APOL5: variants seen among roughly 807,000 people sequenced by gnomAD.
The protein encoded by APOL5 is apolipoprotein L5.
APOL5 carries 29 observed loss-of-function variants against 35.5 expected under a neutral mutation model. The ratio of observed to expected loss-of-function variants is 0.82; its 90% CI spans 0.61 to 1.11. The LOEUF is 1.11. Among genes scored for constraint, APOL5 ranks in the 50% most tolerant of loss-of-function variants. APOL5 has a pLI of 0.00. For synonymous variants in APOL5, 188 were observed against 200.2 expected (o/e 0.94, Z 0.51); for missense variants, 514 against 530.4 (o/e 0.97, Z 0.30).
chr22:35,713,663 T>C (rs1433374431), upstream of APOL5, among the ~76,000 whole-genome samples: 1 of 152,196 alleles, frequency 6.6e-6, no homozygotes, highest in Non-Finnish European at 1.5e-5. Flanking sequence ...TAGGATCCAT[T>C]GTCATCTGCA....
intron 2 of APOL5, among the ~76,000 whole-genome samples, chr22:35,725,945 G>A (rs1927137646): frequency 6.6e-6 from 1 of 152,142 alleles, no homozygotes; most frequent in Admixed American, 6.5e-5. Context: ...GTTTGTTTCT[G>A]GGAAAGGGCT....
upstream of APOL5, chr22:35,717,754 G>GAAAAAAA (rs1435096149): frequency 8.7e-6 from 3 of 346,382 alleles, 1 homozygote; most frequent in African/African-American, 5.4e-5. Context: ...AAAAAAAAAA[G>GAAAAAAA]AAAGAAAAGA....
intron 1 of APOL5, among the ~76,000 whole-genome samples, chr22:35,719,519 C>A (rs1222265519): frequency 6.6e-6 from 1 of 152,214 alleles, no homozygotes; most frequent in Non-Finnish European, 1.5e-5. Flanking sequence ...AACATGGCCC[C>A]GATTGTCTTG....
chr22:35,727,073 G>A lies in APOL5; in HGVS notation c.1005G>A (p.Lys335=). 1 of 1,613,388 alleles carries A rather than the reference G, an allele frequency of 6.2e-7. No individual in the cohort carries two copies. The highest frequency in any genetic ancestry group is 8.5e-7 in the Non-Finnish European group (1 of 1,180,008). The change falls in exon 3 of 5, where the codon AAG becomes AAA. Residue 335 remains lysine (K), a synonymous_variant. Transcript: ENST00000249044. ...TAEELRALAK[K]LEQELDRLTQ... is the part of the protein sequence containing the mutation. Reference sequence around the variant, plus strand: ...AGGAACTGAGAGCACTTGCTAAGAAGCTGGAGCAGGAGCTGGACCGGCTCA... The same window carrying A: ...AGGAACTGAGAGCACTTGCTAAGAAACTGGAGCAGGAGCTGGACCGGCTCA...
chr22:35,722,564 G>T (rs1200319570), intron 2 of APOL5, among the ~76,000 whole-genome samples: 1 of 152,212 alleles, frequency 6.6e-6, no homozygotes, highest in Non-Finnish European at 1.5e-5. Flanking sequence ...GCCTCCCAAA[G>T]TGCTGGGATT....
At chr22:35,717,770 A>AAAGG, upstream of APOL5, 4 of 694,342 alleles carry the variant, frequency 5.8e-6, no homozygotes, top group South Asian at 4.9e-5. Context: ...AAAGAAAAGA[A>AAAGG]AAAAAAATAG....
upstream of APOL5, among the ~76,000 whole-genome samples, chr22:35,717,390 G>A (rs546304051): frequency 1.6e-5 from 2 of 123,182 alleles, no homozygotes; most frequent in Non-Finnish European, 3.3e-5. Flanking sequence ...GCCAAAATGA[G>A]ACCATCTCCA....
chr22:35,728,959 C>A, intron 4 of APOL5, 55 bp downstream of exon 4: 11 of 1,505,234 alleles, frequency 7.3e-6, no homozygotes, highest in Non-Finnish European at 8.9e-6. Flanking sequence ...AGTGAAGTAA[C>A]CCCTCCTTGG....
chr22:35,726,206 T>G lies in APOL5; in HGVS notation c.143-5T>G, dbSNP rs766462935. 4 of 1,606,076 alleles carry G rather than the reference T, an allele frequency of 2.5e-6. No homozygotes were observed. The highest frequency in any genetic ancestry group is 3.4e-6 in the Non-Finnish European group (4 of 1,173,426). ...TTAGTGCTCAGATTGCCTAGATGTC[T>G]TTAGCCTCACTCGTGAACCTGTGCC... On this transcript the variant is annotated splice_polypyrimidine_tract_variant and splice_region_variant and intron_variant, in intron 2 of 4. Coordinates refer to ENST00000249044, the MANE Select transcript of APOL5 (RefSeq NM_030642.1).
intron 3 of APOL5, among the ~76,000 whole-genome samples, chr22:35,728,381 G>A (rs1418165924): frequency 6.6e-6 from 1 of 152,136 alleles, no homozygotes; most frequent in Non-Finnish European, 1.5e-5. Context: ...CCGCCACGAC[G>A]CCTGGCTAAT....
chr22:35,727,961 C>A lies in APOL5; in HGVS notation c.1127-762C>A, dbSNP rs543871373. Among the ~76,000 whole-genome samples the A allele has an allele frequency of 3.9e-5, 6 of 152,370 alleles. No homozygotes were observed. The South Asian group carries it at 1.2e-3, about 32-fold the overall frequency. ...GAATGACGCGGTAGCAAGGTCACAA[C>A]CTGAAACCCGGGAAAAGGACACATA... On this transcript the variant is annotated intron_variant, in intron 3 of 4. Coordinates refer to ENST00000249044, the MANE Select transcript of APOL5 (RefSeq NM_030642.1).
upstream of APOL5, among the ~76,000 whole-genome samples, chr22:35,714,081 G>A (rs1926668973): frequency 6.6e-6 from 1 of 152,134 alleles, no homozygotes; most frequent in Non-Finnish European, 1.5e-5. Context: ...GGAGGTCAAG[G>A]CAGGTGGATC....
chr22:35,709,842 AC>A, the APOL5 span, among the ~76,000 whole-genome samples: 89 of 151,064 alleles, frequency 5.9e-4, no homozygotes, highest in African/African-American at 2.1e-3. Context: ...TTTTGTAATG[AC>A]TTTATTTTTC....
the APOL5 span, among the ~76,000 whole-genome samples, chr22:35,711,368 G>A: frequency 5.9e-5 from 9 of 152,124 alleles, no homozygotes; most frequent in African/African-American, 2.2e-4. Context: ...ATCTCTTTGA[G>A]ACCCTGCTTT....
chr22:35,712,685 C>A, the APOL5 span, among the ~76,000 whole-genome samples: 43 of 152,046 alleles, frequency 2.8e-4, 1 homozygote, highest in African/African-American at 9.9e-4. Flanking sequence ...GTGTTGATGG[C>A]TTTTCTTCTT....
intron 1 of APOL5, among the ~76,000 whole-genome samples, chr22:35,718,954 G>A (rs1193703957): frequency 6.6e-6 from 1 of 152,012 alleles, no homozygotes; most frequent in African/African-American, 2.4e-5. Flanking sequence ...AACAACTCGG[G>A]AGGCTGAGAC....
intron 2 of APOL5, among the ~76,000 whole-genome samples, chr22:35,721,807 G>A (rs2009168): frequency 0.67 from 102,485 of 152,106 alleles, 35,062 homozygotes; most frequent in African/African-American, 0.76. Flanking sequence ...CTCAGCTGCA[G>A]CAATAGACTC....
the APOL5 span, among the ~76,000 whole-genome samples, chr22:35,710,253 T>C: frequency 1.3e-5 from 2 of 150,342 alleles, no homozygotes; most frequent in South Asian, 4.2e-4. Flanking sequence ...GTCTCCCAAG[T>C]AGCTGGACTA....
upstream of APOL5, among the ~76,000 whole-genome samples, chr22:35,715,928 A>T (rs1286277656): frequency 6.6e-6 from 1 of 152,196 alleles, no homozygotes; most frequent in East Asian, 1.9e-4. Flanking sequence ...ATAATGGGAC[A>T]AATCAAAGTT....
Sources: gnomAD v4.1 joint callset for allele counts (sites outside exome capture counted in the v4.1 genomes callset) on GRCh38, gnomAD v4.1.1 for gene constraint, MANE v1.5 for transcripts, NCBI Gene and HGNC (gene_info 2026-07-23, HGNC 2026-07-21) for gene names.